P4HA1: variants seen among roughly 807,000 people sequenced by gnomAD.
P4HA1 encodes the protein prolyl 4-hydroxylase subunit alpha 1, also known as prolyl 4-hydroxylase subunit alpha-1.
In P4HA1, 24 loss-of-function variants were observed where a neutral mutation model predicts 72.8. The ratio of observed to expected loss-of-function variants is 0.33; its 90% CI spans 0.24 to 0.46. The LOEUF is 0.46. Among genes scored for constraint, P4HA1 ranks in the 20% least tolerant of loss-of-function variants. The pLI is 1.00. For missense variants in P4HA1, 446 were observed against 640.6 expected, an observed-to-expected ratio of 0.70 and a Z score of 3.28; for synonymous variants, 201 against 218.8, an observed-to-expected ratio of 0.92 and a Z score of 0.72.
In P4HA1 at chr10:73,074,854, A is replaced by G; in HGVS notation, c.30T>C (p.Ile10=). 6.4e-7 allele frequency: 1 copy of G among 1,555,144 alleles called. No homozygotes were observed. The highest frequency in any genetic ancestry group is 8.9e-7 in the Non-Finnish European group (1 of 1,127,086). Residue 10 remains isoleucine (I), a synonymous_variant, in exon 2 of 15, where the codon ATT becomes ATC. Coordinates refer to ENST00000394890, the MANE Select transcript of P4HA1 (RefSeq NM_001017962.3). ...GATGAGCCAAAGACTGGGGAAGCAG[A>G]ATTCCTATAATTAATATATACCAGA... MIWYILIIG[I]LLPQSLAHPG...
rs200834138 is a variant in P4HA1, at chr10:73,068,805, C to G, written c.463+41G>C. The G allele has an allele frequency of 9.1e-6, 14 of 1,536,422 alleles. No individual in the cohort carries two copies. In the South Asian group the frequency reaches 1.5e-4, roughly 16 times the overall value. ...TGTGTTAATGGACTCAACAGAGAAG[C>G]TAGGTGATAGGTATTTTATAGAATG... On this transcript the variant is annotated intron_variant, in intron 5 of 14. Coordinates refer to ENST00000394890, the MANE Select transcript of P4HA1 (RefSeq NM_001017962.3).
chr10:73,037,012 A>G (rs1840590435), intron 9 of P4HA1, among the ~76,000 whole-genome samples: 1 of 151,880 alleles, frequency 6.6e-6, no homozygotes, highest in Admixed American at 6.6e-5. Context: ...TTTTTTTTTA[A>G]TGTTATAGCA....
intron 1 of P4HA1, among the ~76,000 whole-genome samples, chr10:73,078,887 C>T (rs1316283324): frequency 6.6e-6 from 1 of 152,078 alleles, no homozygotes; most frequent in African/African-American, 2.4e-5. Context: ...GCTGGGATTA[C>T]AGGCGTGAGC....
intron 11 of P4HA1, 101 bp from the exon 12 acceptor site, chr10:73,014,390 CA>C: frequency 1.2e-6 from 1 of 839,112 alleles, no homozygotes; most frequent in Non-Finnish European, 2.0e-6. Context: ...AAGAATATGC[CA>C]ACAACAACCG....
At chr10:73,057,831 C>G (rs1358897375) in intron 5 of P4HA1, among the ~76,000 whole-genome samples, 1 of 151,928 alleles carries the variant, frequency 6.6e-6, no homozygotes, top group Non-Finnish European at 1.5e-5. Context: ...CACAGTGGCT[C>G]ACACCGGTAA....
intron 1 of P4HA1, among the ~76,000 whole-genome samples, chr10:73,083,768 T>C (rs895745044): frequency 6.4e-4 from 97 of 152,186 alleles, no homozygotes; most frequent in African/African-American, 2.3e-3. Flanking sequence ...AAAGTTCAAG[T>C]GACAGAGTGG....
intron 1 of P4HA1, among the ~76,000 whole-genome samples, chr10:73,075,650 A>T (rs1283684793): frequency 6.6e-6 from 1 of 152,046 alleles, no homozygotes; most frequent in Admixed American, 6.6e-5. Context: ...GTTAGAATAC[A>T]TTTTAAAGGA....
intron 3 of P4HA1, among the ~76,000 whole-genome samples, chr10:73,073,039 G>A (rs903441426): frequency 4.6e-5 from 7 of 151,286 alleles, no homozygotes; most frequent in South Asian, 4.2e-4. Context: ...GCATGGTGGC[G>A]CACACCTGTA....
chr10:73,056,108 T>C (rs1841142706), intron 5 of P4HA1, among the ~76,000 whole-genome samples: 1 of 152,200 alleles, frequency 6.6e-6, no homozygotes, highest in Non-Finnish European at 1.5e-5. Context: ...CTACTATTTT[T>C]CAGTTATTTC....
At chr10:73,049,957 A>G (rs1840977049) in intron 7 of P4HA1, among the ~76,000 whole-genome samples, 2 of 152,154 alleles carry the variant, frequency 1.3e-5, no homozygotes, top group Non-Finnish European at 2.9e-5. Flanking sequence ...TGAGGTCAGG[A>G]GTTTGAGACC....
chr10:73,047,893 A>T (rs1840912208), intron 7 of P4HA1, among the ~76,000 whole-genome samples: 1 of 152,094 alleles, frequency 6.6e-6, no homozygotes, highest in African/African-American at 2.4e-5. Flanking sequence ...TCTACAAAAA[A>T]TTTAAAAAAT....
intron 1 of P4HA1, among the ~76,000 whole-genome samples, chr10:73,078,932 C>T (rs1225035868): frequency 6.6e-6 from 1 of 151,946 alleles, no homozygotes; most frequent in Admixed American, 6.6e-5. Flanking sequence ...TTTTATATCT[C>T]TGTATTTTCC....
At chr10:73,017,799 G>T (rs1235001174) in intron 10 of P4HA1, among the ~76,000 whole-genome samples, 1 of 152,164 alleles carries the variant, frequency 6.6e-6, no homozygotes, top group Non-Finnish European at 1.5e-5. Flanking sequence ...TAATTACAAT[G>T]TAACTTTGGA....
At chr10:73,094,254 A>G (rs1258265716) in intron 1 of P4HA1, among the ~76,000 whole-genome samples, 1 of 152,128 alleles carries the variant, frequency 6.6e-6, no homozygotes, top group Admixed American at 6.6e-5. Context: ...ACCCACATAT[A>G]CAAGTCCAGT....
intron 1 of P4HA1, among the ~76,000 whole-genome samples, chr10:73,075,146 C>CG (rs1284400247): frequency 6.6e-6 from 1 of 152,120 alleles, no homozygotes; most frequent in Non-Finnish European, 1.5e-5. Context: ...GAGTCTCTGT[C>CG]GCCCAGGCTG....
intron 13 of P4HA1, 25 bp from the exon 14 acceptor site, chr10:73,009,928 C>T (rs1167623305): frequency 7.8e-7 from 1 of 1,280,428 alleles, no homozygotes; most frequent in Non-Finnish European, 1.1e-6. Flanking sequence ...TCACAATTAT[C>T]CCCAAGTATA....
chr10:73,047,099 G>A lies in P4HA1; in HGVS notation c.903C>T (p.Thr301=). Residue 301 remains threonine (T), a splice_region_variant and synonymous_variant, in exon 8 of 15, where the codon ACC becomes ACT. Transcript: ENST00000394890. ...MLCRGEGIKM[T]PRRQKKLFCR... Reference sequence around the variant, plus strand: ...AAAAGAGTTTTTTCTGTCTCCGAGGGGTCTAAACATAAAGTTAAGAATATG... The same window carrying A: ...AAAAGAGTTTTTTCTGTCTCCGAGGAGTCTAAACATAAAGTTAAGAATATG... 6.2e-7 allele frequency: 1 copy of A among 1,603,858 alleles called. No individual in the cohort carries two copies. Among genetic ancestry groups the A allele is most frequent in the Non-Finnish European group, 8.5e-7 (1 of 1,171,396 alleles).
intron 7 of P4HA1, among the ~76,000 whole-genome samples, chr10:73,047,909 G>A (rs772503446): frequency 1.4e-4 from 22 of 152,100 alleles, no homozygotes; most frequent in Non-Finnish European, 2.5e-4. Flanking sequence ...AAAATTAGCC[G>A]GACATGAGGG....
chr10:73,020,107 T>C (rs1037009254), intron 10 of P4HA1, among the ~76,000 whole-genome samples: 17 of 152,112 alleles, frequency 1.1e-4, no homozygotes, highest in East Asian at 3.9e-4. Flanking sequence ...TTCAGTCAGA[T>C]TGTCAAACAT....
Sources: gnomAD v4.1 joint callset for allele counts (sites outside exome capture counted in the v4.1 genomes callset) on GRCh38, gnomAD v4.1.1 for gene constraint, MANE v1.5 for transcripts, NCBI Gene and HGNC (gene_info 2026-07-23, HGNC 2026-07-21) for gene names.